Variants in TMEM9B observed in about 807,000 individuals in gnomAD.
TMEM9B encodes the protein transmembrane protein 9B.
Under a neutral mutation model 23.5 loss-of-function variants are expected in TMEM9B, and 8 were observed. That is an observed-to-expected ratio of 0.34 (90% confidence interval 0.20 to 0.61). The LOEUF (loss-of-function observed/expected upper bound fraction) is 0.61. Among genes scored for constraint, TMEM9B ranks in the 20% least tolerant of loss-of-function variants. The probability of loss-of-function intolerance (pLI) is 0.78; values close to 1 mark genes in which losing one functional copy is unlikely to be tolerated. For missense variants in TMEM9B, 197 were observed against 252.3 expected (o/e 0.78, Z 1.49); for synonymous variants, 106 against 96.3 (o/e 1.10, Z -0.59).
chr11:8,963,980 CT>C (rs1458926389), intron 1 of TMEM9B: 2 of 541,692 alleles, frequency 3.7e-6, no homozygotes, highest in African/African-American at 4.3e-5. Context: ...ACTGTCGGGG[CT>C]GGGGACGACC....
At chr11:8,956,851 C>T (rs572374925) in intron 2 of TMEM9B, among the ~76,000 whole-genome samples, 1 of 152,286 alleles carries the variant, frequency 6.6e-6, no homozygotes, top group Non-Finnish European at 1.5e-5. Context: ...TCCAGAGCAG[C>T]TATGATTACA....
At position 8,964,289 on chromosome 11, in the gene TMEM9B, G is replaced by T. The variant is rs771701779; in HGVS notation, c.25C>A (p.Leu9Ile). The change falls in exon 1 of 5, where the codon CTT (leucine) becomes ATT (isoleucine). Residue 9 changes from leucine (L) to isoleucine (I), a missense_variant. Physicochemically the swap from Leu to Ile is conservative, Grantham distance 5 (BLOSUM62 2). Coordinates refer to ENST00000534025, the MANE Select transcript of TMEM9B (RefSeq NM_020644.3). MATLWGGLLRLGSLLSLSC... is the reference protein window; with the variant it reads MATLWGGLIRLGSLLSLSC... ...AGGCTGAGCAAGGAGCCAAGCCGAAGAAGGCCTCCCCACAGGGTCGCCATC... is the reference window on the plus strand; with the variant it reads ...AGGCTGAGCAAGGAGCCAAGCCGAATAAGGCCTCCCCACAGGGTCGCCATC... The T allele has an allele frequency of 6.3e-7, 1 of 1,591,392 alleles. No homozygotes were observed. Among genetic ancestry groups the T allele is most frequent in the Non-Finnish European group, 8.5e-7 (1 of 1,169,622 alleles).
At chr11:8,952,980 G>T (rs1853911455) in intron 4 of TMEM9B, 1 of 631,970 alleles carries the variant, frequency 1.6e-6, no homozygotes, top group African/African-American at 1.8e-5. Context: ...GCCCTGTATA[G>T]CATGCTCACC....
Position 8,964,374 on chromosome 11 carries a change from C to T in TMEM9B, c.-61G>A. Reference sequence around the variant, plus strand: ...CCGCGACCGGCTCCCGGCTCGGGCTCAGGCTCAGGCTCAGGCTCAGGCACA... The same window carrying T: ...CCGCGACCGGCTCCCGGCTCGGGCTTAGGCTCAGGCTCAGGCTCAGGCACA... On this transcript the variant is annotated 5_prime_UTR_variant, in exon 1 of 5. Coordinates refer to ENST00000534025, the MANE Select transcript of TMEM9B (RefSeq NM_020644.3). 1.3e-6 allele frequency: 2 copies of T among 1,490,482 alleles called. No individual in the cohort carries two copies. The highest frequency in any genetic ancestry group is 1.9e-4 in the Middle Eastern group (1 of 5,380). 92.3% of individuals were successfully genotyped at this position (1,490,482 alleles called of 1,614,324 possible). A position where few individuals can be genotyped will look rare whatever the true frequency, so the allele number is the denominator to read the frequency against.
chr11:8,959,058 G>A (rs1430585354), intron 2 of TMEM9B, among the ~76,000 whole-genome samples: 1 of 152,206 alleles, frequency 6.6e-6, no homozygotes, highest in Non-Finnish European at 1.5e-5. Context: ...TGGGCAGAGG[G>A]AACTATATCC....
At chr11:8,963,934 T>C in intron 1 of TMEM9B, 1 of 479,758 alleles carries the variant, frequency 2.1e-6, no homozygotes, top group East Asian at 3.8e-5. Context: ...AAGGGAAATG[T>C]TAAGGCGGTG....
chr11:8,950,132 T>C (rs1853848076), intron 4 of TMEM9B, among the ~76,000 whole-genome samples: 1 of 148,916 alleles, frequency 6.7e-6, no homozygotes, highest in African/African-American at 2.5e-5. Context: ...AGAAAAAAGC[T>C]AAAAAAGAAA....
rs572173122 is a variant in TMEM9B, at chr11:8,949,802, C to T, written c.442-1327G>A. ...TATTTAGGTAATGGCTTGTACAAAT[C>T]CTAAAACTCAAGTTATTTAAAAAGT... On this transcript the variant is annotated intron_variant, in intron 4 of 4. Coordinates refer to ENST00000534025, the MANE Select transcript of TMEM9B (RefSeq NM_020644.3). Among the ~76,000 whole-genome samples the T allele has an allele frequency of 3.2e-4, 49 of 151,982 alleles. 1 individual carries two copies. The South Asian group carries it at 7.1e-3, about 22-fold the overall frequency.
intron 4 of TMEM9B, among the ~76,000 whole-genome samples, chr11:8,951,951 C>CA (rs1210880408): frequency 8.6e-5 from 13 of 150,514 alleles, no homozygotes; most frequent in South Asian, 2.1e-4. Context: ...ACTAAAAATA[C>CA]AAAAAAAATT....
At chr11:8,959,548 G>T (rs1189784631) in intron 2 of TMEM9B, among the ~76,000 whole-genome samples, 1 of 152,228 alleles carries the variant, frequency 6.6e-6, no homozygotes, top group African/African-American at 2.4e-5. Flanking sequence ...CAATACCTAA[G>T]AATGACTTGG....
chr11:8,954,141 C>T (rs930986510), intron 3 of TMEM9B, among the ~76,000 whole-genome samples: 3 of 152,074 alleles, frequency 2.0e-5, no homozygotes, highest in Non-Finnish European at 4.4e-5. Context: ...ATGAAAGAAG[C>T]CAGTCACAGA....
rs570819283 is a variant in TMEM9B, at chr11:8,949,123, G to C, written c.442-648C>G. Among the ~76,000 whole-genome samples the C allele has an allele frequency of 9.8e-5, 15 of 152,290 alleles. No individual in the cohort carries two copies. In the South Asian group the frequency reaches 2.9e-3, roughly 29 times the overall value. On this transcript the variant is annotated intron_variant, in intron 4 of 4. Transcript: ENST00000534025. ...CCAATGTGTAATGAAAAGAGACACA[G>C]CTCAAGTGCTACAATCACCCTCTCT...
At position 8,950,440 on chromosome 11, in the gene TMEM9B, T is replaced by A. The variant is rs138823615; in HGVS notation, c.442-1965A>T. Reference sequence around the variant, plus strand: ...ACATAAGCAATACTGGGAAGAAGGATGTACTTGATCGGCAGAGGACCTCTC... The same window carrying A: ...ACATAAGCAATACTGGGAAGAAGGAAGTACTTGATCGGCAGAGGACCTCTC... On this transcript the variant is annotated intron_variant, in intron 4 of 4. Coordinates refer to ENST00000534025, the MANE Select transcript of TMEM9B (RefSeq NM_020644.3). 1.1e-3 allele frequency among the ~76,000 whole-genome samples: 174 copies of A among 152,296 alleles called. 1 individual carries two copies. The highest frequency in any genetic ancestry group is 4.1e-3 in the African/African-American group (171 of 41,558).
intron 2 of TMEM9B, among the ~76,000 whole-genome samples, chr11:8,956,815 GC>G (rs1566123645): frequency 6.6e-6 from 1 of 152,134 alleles, no homozygotes; most frequent in African/African-American, 2.4e-5. Flanking sequence ...AGACTCCTGG[GC>G]TCAAGTGATC....
intron 2 of TMEM9B, among the ~76,000 whole-genome samples, chr11:8,959,904 CA>C (rs1342780111): frequency 1.3e-5 from 2 of 152,094 alleles, no homozygotes; most frequent in East Asian, 3.9e-4. Context: ...GCCCAGAAAA[CA>C]AAAGGTAAAA....
In TMEM9B at chr11:8,964,385, T is replaced by TCAGGCTCAGGCA. The variant is rs1854155167; in HGVS notation, c.-84_-73dup. On this transcript the variant is annotated 5_prime_UTR_variant, in exon 1 of 5. Coordinates refer to ENST00000534025, the MANE Select transcript of TMEM9B (RefSeq NM_020644.3). Reference sequence around the variant, plus strand: ...TCCCGGCTCGGGCTCAGGCTCAGGCTCAGGCTCAGGCACAGGCTTGGGACC... The same window carrying TCAGGCTCAGGCA: ...TCCCGGCTCGGGCTCAGGCTCAGGCTCAGGCTCAGGCACAGGCTCAGGCACAGGCTTGGGACC... 10 of 1,514,692 alleles carry TCAGGCTCAGGCA rather than the reference T, an allele frequency of 6.6e-6. 1 individual carries two copies. In the South Asian group the frequency reaches 8.7e-5, roughly 13 times the overall value. The allele number at this position is 1,514,692 out of a possible 1,614,324, so 93.8% of individuals were successfully genotyped here.
In TMEM9B at chr11:8,962,195, A is replaced by C; in HGVS notation, c.106-12T>G. ...ACATCCTCGAAATTCTGTAACCAAA[A>C]TGGAAACAGTATAGTGCGTTGACAG... On this transcript the variant is annotated splice_polypyrimidine_tract_variant and intron_variant, in intron 1 of 4. Coordinates refer to ENST00000534025, the MANE Select transcript of TMEM9B (RefSeq NM_020644.3). The C allele has an allele frequency of 6.4e-7, 1 of 1,564,586 alleles. No individual in the cohort carries two copies. The highest frequency in any genetic ancestry group is 8.7e-7 in the Non-Finnish European group (1 of 1,144,184).
intron 2 of TMEM9B, among the ~76,000 whole-genome samples, chr11:8,959,575 G>T (rs779092477): frequency 6.6e-6 from 1 of 152,208 alleles, no homozygotes; most frequent in Non-Finnish European, 1.5e-5. Context: ...TAAGTGCTAA[G>T]TAAGTATTGA....
At chr11:8,950,217 T>C (rs1853850235) in intron 4 of TMEM9B, among the ~76,000 whole-genome samples, 1 of 152,180 alleles carries the variant, frequency 6.6e-6, no homozygotes, top group Non-Finnish European at 1.5e-5. Flanking sequence ...CCAAGGTCAT[T>C]TAACAAATTA....
Sources: gnomAD v4.1 joint callset for allele counts (sites outside exome capture counted in the v4.1 genomes callset) on GRCh38, gnomAD v4.1.1 for gene constraint, MANE v1.5 for transcripts, NCBI Gene and HGNC (gene_info 2026-07-23, HGNC 2026-07-21) for gene names.